Variants in CCDC181 observed in about 807,000 individuals in gnomAD.
CCDC181 encodes coiled-coil domain-containing protein 181.
In CCDC181, 35 loss-of-function variants were observed where a neutral mutation model predicts 58.7. That is an observed-to-expected ratio of 0.60 (90% CI 0.46 to 0.79). CCDC181 has a LOEUF of 0.79. CCDC181 is among the 30% of genes least tolerant of loss of function. The pLI, the probability that CCDC181 is intolerant of heterozygous loss-of-function variation, is 0.00. For missense variants in CCDC181, 517 were observed against 583.9 expected (o/e 0.89, Z 1.18); for synonymous variants, 183 against 197.5 (o/e 0.93, Z 0.62).
chr1:169,410,867 G>C (rs186684619), intron 4 of CCDC181, among the ~76,000 whole-genome samples: 13 of 152,228 alleles, frequency 8.5e-5, no homozygotes, highest in Non-Finnish European at 2.9e-5. Context: ...CAATGTACCA[G>C]ATCTCTAGGA....
At chr1:169,402,982 C>CAA (rs200205840) in intron 4 of CCDC181, among the ~76,000 whole-genome samples, 10 of 122,758 alleles carry the variant, frequency 8.1e-5, no homozygotes, top group African/African-American at 3.0e-4. Context: ...GGAAAACAAA[C>CAA]AAAAAAAAAA....
intron 4 of CCDC181, among the ~76,000 whole-genome samples, chr1:169,401,049 T>G (rs1571461779): frequency 6.6e-6 from 1 of 152,286 alleles, no homozygotes; most frequent in East Asian, 1.9e-4. Context: ...CCTCACTCAC[T>G]GCTAACACAG....
chr1:169,444,075 G>A (rs867058457), intron 2 of CCDC181, among the ~76,000 whole-genome samples: 3 of 152,266 alleles, frequency 2.0e-5, no homozygotes, highest in Middle Eastern at 6.8e-3. Flanking sequence ...AAATACAGAC[G>A]AAGAGGAAGT....
intron 2 of CCDC181, among the ~76,000 whole-genome samples, chr1:169,459,093 A>G (rs1657762653): frequency 6.6e-6 from 1 of 152,194 alleles, no homozygotes; most frequent in Non-Finnish European, 1.5e-5. Context: ...ATGCTTTTTT[A>G]TTTCTCCAAA....
At chr1:169,412,657 T>C (rs2102070154) in intron 4 of CCDC181, among the ~76,000 whole-genome samples, 1 of 152,296 alleles carries the variant, frequency 6.6e-6, no homozygotes, top group Admixed American at 6.5e-5. Context: ...AACAGCATGG[T>C]ACTGGTACCA....
chr1:169,403,902 G>A lies in CCDC181; in HGVS notation c.1216-6511C>T, dbSNP rs112097479. 7.5e-3 allele frequency among the ~76,000 whole-genome samples: 1,148 copies of A among 152,148 alleles called. 16 individuals are homozygous for A. The highest frequency in any genetic ancestry group is 0.038 in the Middle Eastern group (11 of 292). On this transcript the variant is annotated intron_variant, in intron 4 of 5. Coordinates refer to ENST00000367806, the MANE Select transcript of CCDC181 (RefSeq NM_001300969.2). Reference sequence around the variant, plus strand: ...GTTTTTTGAAAAGATCAGCAAAATCGATAGACTGCTACCAAGACTAATAAA... The same window carrying A: ...GTTTTTTGAAAAGATCAGCAAAATCAATAGACTGCTACCAAGACTAATAAA...
intron 4 of CCDC181, among the ~76,000 whole-genome samples, chr1:169,399,045 A>T (rs989806368): frequency 1.3e-5 from 2 of 152,340 alleles, no homozygotes; most frequent in South Asian, 4.1e-4. Context: ...AGAGTGGAAG[A>T]TGAAGTCAGG....
intron 4 of CCDC181, among the ~76,000 whole-genome samples, chr1:169,417,576 C>T (rs576406915): frequency 6.6e-6 from 1 of 152,160 alleles, no homozygotes; most frequent in East Asian, 1.9e-4. Context: ...ATAAAGGCTT[C>T]ATCACATAGT....
At chr1:169,411,172 C>T (rs1655942944) in intron 4 of CCDC181, among the ~76,000 whole-genome samples, 1 of 151,942 alleles carries the variant, frequency 6.6e-6, no homozygotes, top group Non-Finnish European at 1.5e-5. Flanking sequence ...AGAGAAGAAT[C>T]AAATAGACAC....
intron 4 of CCDC181, among the ~76,000 whole-genome samples, chr1:169,402,986 A>C (rs7523660): frequency 0.49 from 72,253 of 148,342 alleles, 18,413 homozygotes; most frequent in Non-Finnish European, 0.57. Flanking sequence ...AACAAACAAA[A>C]AAAAAAAAAA....
At chr1:169,460,255 G>C (rs1243933675) in exon 1 of CCDC181, 1 of 152,282 alleles carries the variant, frequency 6.6e-6, no homozygotes, top group Admixed American at 6.5e-5. Flanking sequence ...CCCAATACCT[G>C]ATGTGTGAAT....
intron 2 of CCDC181, among the ~76,000 whole-genome samples, chr1:169,456,513 C>T (rs1482112087): frequency 6.6e-6 from 1 of 152,090 alleles, no homozygotes; most frequent in African/African-American, 2.4e-5. Context: ...CCCAATGTGG[C>T]AGTTATTGAG....
chr1:169,418,577 A>G (rs1220991962), intron 4 of CCDC181, among the ~76,000 whole-genome samples: 1 of 151,110 alleles, frequency 6.6e-6, no homozygotes, highest in Non-Finnish European at 1.5e-5. Context: ...ATGATTTTTA[A>G]ATTTTCTCTA....
chr1:169,444,098 C>T (rs906764058), intron 2 of CCDC181, among the ~76,000 whole-genome samples: 8 of 152,080 alleles, frequency 5.3e-5, no homozygotes, highest in African/African-American at 1.9e-4. Flanking sequence ...ATATGCTAAC[C>T]CTAAGTTTGC....
chr1:169,424,978 T>C (rs372753443), intron 1 of CCDC181, 28 bp from the exon 2 acceptor site: 8 of 1,094,588 alleles, frequency 7.3e-6, no homozygotes, highest in South Asian at 1.3e-5. Context: ...ATAAGGTATA[T>C]GTTATGCCCA....
intron 3 of CCDC181, among the ~76,000 whole-genome samples, chr1:169,421,061 C>T (rs1444131349): frequency 6.6e-6 from 1 of 152,160 alleles, no homozygotes; most frequent in East Asian, 1.9e-4. Flanking sequence ...AGATTACTTT[C>T]AGCAGTCACT....
At chr1:169,433,337 T>C (rs1656969087) in intron 2 of CCDC181, among the ~76,000 whole-genome samples, 1 of 151,954 alleles carries the variant, frequency 6.6e-6, no homozygotes. Context: ...TGTTAATGGA[T>C]TGGAGGACAA....
At chr1:169,411,443 GAATT>G (rs1466567928) in intron 4 of CCDC181, among the ~76,000 whole-genome samples, 1 of 152,086 alleles carries the variant, frequency 6.6e-6, no homozygotes, top group Admixed American at 6.6e-5. Context: ...ATTCACAGCT[GAATT>G]CTATCAGCAG....
intron 4 of CCDC181, among the ~76,000 whole-genome samples, chr1:169,406,847 A>C (rs1248075245): frequency 6.6e-6 from 1 of 152,168 alleles, no homozygotes; most frequent in East Asian, 1.9e-4. Context: ...CCAACAAACA[A>C]ACACAACCTA....
Sources: allele counts gnomAD v4.1 joint callset (sites outside exome capture counted in the v4.1 genomes callset), GRCh38; gene constraint gnomAD v4.1.1; transcripts MANE v1.5; gene names NCBI Gene and HGNC (gene_info 2026-07-23, HGNC 2026-07-21).